Variants in C3orf52 observed in about 807,000 individuals in gnomAD.
C3orf52 encodes the protein chromosome 3 open reading frame 52, also known as TPA-induced transmembrane protein.
In C3orf52, 22 loss-of-function variants were observed where a neutral mutation model predicts 24.8. That is an observed-to-expected ratio of 0.89 (90% CI 0.63 to 1.27). C3orf52 has a LOEUF of 1.27. C3orf52 is among the 50% of genes most tolerant of loss of function. The pLI, the probability that C3orf52 is intolerant of heterozygous loss-of-function variation, is 0.00. For synonymous variants in C3orf52, 93 were observed against 100.2 expected, an observed-to-expected ratio of 0.93 and a Z score of 0.43; for missense variants, 265 against 260.7, an observed-to-expected ratio of 1.02 and a Z score of -0.11.
chr3:112,103,076 G>T, intron 3 of C3orf52, 111 bp downstream of exon 3: 2 of 956,444 alleles, frequency 2.1e-6, no homozygotes, highest in Non-Finnish European at 3.1e-6. Flanking sequence ...TGGATTCTTT[G>T]TCTGGATTTT....
intron 3 of C3orf52, among the ~76,000 whole-genome samples, chr3:112,104,267 ACCGTTGGGTGGGGCAT>A (rs1181723670): frequency 6.6e-6 from 1 of 152,082 alleles, no homozygotes; most frequent in Non-Finnish European, 1.5e-5. Context: ...CCAGACTAGG[ACCGTTGGGTGGGGCAT>A]CCTGATCATC....
intron 2 of C3orf52, among the ~76,000 whole-genome samples, chr3:112,101,564 C>T (rs2073972008): frequency 6.6e-6 from 1 of 152,220 alleles, no homozygotes; most frequent in Non-Finnish European, 1.5e-5. Context: ...GGTTCTCAGA[C>T]ACCAGCCAGG....
At chr3:112,109,724 G>A (rs569272489) in intron 4 of C3orf52, 111 bp downstream of exon 4, 12 of 659,654 alleles carry the variant, frequency 1.8e-5, no homozygotes, top group Non-Finnish European at 3.0e-5. Flanking sequence ...AGCATGAAGG[G>A]AACCTGTAAT....
downstream of C3orf52, chr3:112,134,907 A>G (rs527885136): frequency 6.5e-6 from 1 of 155,000 alleles, no homozygotes; most frequent in Non-Finnish European, 1.5e-5. Context: ...CTTCTGTGAC[A>G]TTAGAGATAA....
intron 2 of C3orf52, among the ~76,000 whole-genome samples, chr3:112,098,907 G>C (rs951169934): frequency 1.3e-5 from 2 of 152,156 alleles, no homozygotes; most frequent in East Asian, 3.9e-4. Flanking sequence ...AAGACCATCT[G>C]ATATTGTTTG....
rs1455895582 is a variant in C3orf52 at position 112,116,871 on chromosome 3, G to A, written c.*225G>A. The A allele has an allele frequency of 6.5e-7, 1 of 1,537,370 alleles. No homozygotes were observed. Among genetic ancestry groups the A allele is most frequent in the Non-Finnish European group, 8.7e-7 (1 of 1,146,900 alleles). On this transcript the variant is annotated 3_prime_UTR_variant, in exon 6 of 6. Coordinates refer to ENST00000264848, the MANE Select transcript of C3orf52 (RefSeq NM_024616.3). ...GCTGGGTCCAGTCTTGACAAAGGCA[G>A]GAAGCCAGCTAGGGTGGGGGCGATA...
At chr3:112,131,300 T>TCTGA (rs1553770868), downstream of C3orf52, among the ~76,000 whole-genome samples, 1,131 of 152,218 alleles carry the variant, frequency 7.4e-3, 15 homozygotes, top group African/African-American at 0.025. Context: ...ACTGAGCTCC[T>TCTGA]CTCATGAAGG....
At chr3:112,132,952 T>C, downstream of C3orf52, 1 of 830,598 alleles carries the variant, frequency 1.2e-6, no homozygotes, top group Non-Finnish European at 1.9e-6. Context: ...GAGTAGGCAC[T>C]GAAGGCTTGG....
At chr3:112,095,671 T>C (rs2073918962) in intron 2 of C3orf52, among the ~76,000 whole-genome samples, 1 of 152,212 alleles carries the variant, frequency 6.6e-6, no homozygotes, top group African/African-American at 2.4e-5. Flanking sequence ...AACATGTCAA[T>C]GCTGTAAGAG....
At chr3:112,099,113 C>T (rs146594341) in intron 2 of C3orf52, among the ~76,000 whole-genome samples, 3 of 152,258 alleles carry the variant, frequency 2.0e-5, no homozygotes, top group Non-Finnish European at 4.4e-5. Context: ...CATGGTAAGA[C>T]ATGCTTGTTT....
At chr3:112,118,726 A>G (rs190880054), downstream of C3orf52, among the ~76,000 whole-genome samples, 3 of 152,356 alleles carry the variant, frequency 2.0e-5, no homozygotes, top group Admixed American at 1.3e-4. Flanking sequence ...TCTACTGGTC[A>G]TCACACAACA....
downstream of C3orf52, among the ~76,000 whole-genome samples, chr3:112,131,727 G>A (rs544055381): frequency 6.6e-6 from 1 of 152,274 alleles, no homozygotes; most frequent in South Asian, 2.1e-4. Flanking sequence ...TTGAATATAT[G>A]TTGCCAAATG....
chr3:112,095,725 T>C (rs1246479307), intron 2 of C3orf52, among the ~76,000 whole-genome samples: 1 of 152,130 alleles, frequency 6.6e-6, no homozygotes, highest in Non-Finnish European at 1.5e-5. Context: ...ATACTTGTAT[T>C]TTACTTGGCA....
intron 3 of C3orf52, among the ~76,000 whole-genome samples, chr3:112,106,447 G>A (rs1045402567): frequency 8.5e-5 from 13 of 152,160 alleles, no homozygotes; most frequent in African/African-American, 2.9e-4. Flanking sequence ...CTGATGATCA[G>A]CCCCCATCCA....
chr3:112,103,046 A>T, intron 3 of C3orf52, 81 bp downstream of exon 3: 3 of 1,310,042 alleles, frequency 2.3e-6, no homozygotes, highest in Non-Finnish European at 3.2e-6. Context: ...ATAGAGCTAT[A>T]GAGTAAGTAG....
At chr3:112,135,565 A>C (rs1180507700), downstream of C3orf52, among the ~76,000 whole-genome samples, 1 of 152,138 alleles carries the variant, frequency 6.6e-6, no homozygotes, top group Non-Finnish European at 1.5e-5. Flanking sequence ...CACCTTATTA[A>C]AAATGGAAGA....
intron 1 of C3orf52, among the ~76,000 whole-genome samples, chr3:112,088,002 C>T (rs2073844898): frequency 6.6e-6 from 1 of 152,214 alleles, no homozygotes; most frequent in Admixed American, 6.5e-5. Context: ...AAGCCAAATC[C>T]ATGCAGGGTT....
intron 2 of C3orf52, among the ~76,000 whole-genome samples, chr3:112,100,039 A>G (rs567242498): frequency 6.6e-6 from 1 of 152,314 alleles, no homozygotes; most frequent in South Asian, 2.1e-4. Context: ...CTCTGTTTCT[A>G]CTATCCTGGG....
At chr3:112,111,816 G>T (rs2074085788) in intron 4 of C3orf52, 1 of 152,170 alleles carries the variant, frequency 6.6e-6, no homozygotes, top group Non-Finnish European at 1.5e-5. Context: ...GCATTTTTTG[G>T]CCCTCCTTTA....
Sources: allele counts gnomAD v4.1 joint callset (sites outside exome capture counted in the v4.1 genomes callset), GRCh38; gene constraint gnomAD v4.1.1; transcripts MANE v1.5; gene names NCBI Gene and HGNC (gene_info 2026-07-23, HGNC 2026-07-21).